The following HNRNPDL variants were observed in gnomAD, a reference collection of about 807,000 sequenced individuals.
The protein encoded by HNRNPDL is heterogeneous nuclear ribonucleoprotein D like.
HNRNPDL carries 18 observed loss-of-function variants against 48.0 expected under a neutral mutation model. The ratio of observed to expected loss-of-function variants is 0.38; its 90% confidence interval spans 0.26 to 0.56. The LOEUF is 0.56. Ranked by LOEUF, HNRNPDL falls within the 20% of genes least tolerant of loss-of-function variation. HNRNPDL has a pLI of 0.77. For synonymous variants in HNRNPDL, 306 were observed against 207.3 expected (o/e 1.48, Z -4.09); for missense variants, 553 against 540.7 (o/e 1.02, Z -0.23).
chr4:82,425,364 C>G (rs1361404506), intron 7 of HNRNPDL: 1 of 152,180 alleles, frequency 6.6e-6, no homozygotes, highest in African/African-American at 2.4e-5. Flanking sequence ...AAATGAGGCT[C>G]CACAATTGAA....
chr4:82,426,673 A>G, intron 5 of HNRNPDL, 40 bp from the exon 6 acceptor site: 1 of 1,557,210 alleles, frequency 6.4e-7, no homozygotes, highest in East Asian at 2.2e-5. Flanking sequence ...ACAACTTCTG[A>G]CCCCCAATTC....
rs1721270218 is a variant in HNRNPDL, at chr4:82,423,397, C to G, written c.*1509G>C. 1 of 152,258 alleles carries G rather than the reference C, an allele frequency of 6.6e-6. No individual in the cohort carries two copies. The highest frequency in any genetic ancestry group is 6.5e-5 in the Admixed American group (1 of 15,300). 9.4% of individuals were successfully genotyped at this position (152,258 alleles called of 1,614,324 possible). A position where few individuals can be genotyped will look rare whatever the true frequency, so the allele number is the denominator to read the frequency against. On this transcript the variant is annotated 3_prime_UTR_variant, in exon 8 of 8. Transcript: ENST00000295470. ...GCATGTTGAATGAACAGAATCCCTT[C>G]TAACAGCCAACATTGGTACTTGGCC...
chr4:82,422,658 T>C lies in HNRNPDL; in HGVS notation c.*2248A>G, dbSNP rs1287587347. On this transcript the variant is annotated 3_prime_UTR_variant, in exon 8 of 8. Coordinates refer to ENST00000295470, the MANE Select transcript of HNRNPDL (RefSeq NM_031372.4). ...TAACCAAAGAAATTACTAAGGTGTT[T>C]TGTTAGGATAACATCACACAGAATT... 6.6e-6 allele frequency: 1 copy of C among 152,208 alleles called. No homozygotes were observed. Among genetic ancestry groups the C allele is most frequent in the Non-Finnish European group, 1.5e-5 (1 of 68,026 alleles). The allele number at this position is 152,208 out of a possible 1,614,324, so 9.4% of individuals were successfully genotyped here.
chr4:82,427,650 C>T (rs1721472976), intron 3 of HNRNPDL, 86 bp from the exon 4 acceptor site: 1 of 1,236,886 alleles, frequency 8.1e-7, no homozygotes, highest in African/African-American at 1.5e-5. Flanking sequence ...CAGGCTTCAA[C>T]TTAAACATGT....
chr4:82,428,518 T>A, intron 1 of HNRNPDL, 72 bp from the exon 2 acceptor site: 1 of 1,249,940 alleles, frequency 8.0e-7, no homozygotes, highest in Non-Finnish European at 1.1e-6. Flanking sequence ...AATTAAATCG[T>A]GAAATAAAAA....
chr4:82,429,641 G>C lies in HNRNPDL; in HGVS notation c.50C>G (p.Ser17Cys). 1 of 1,371,390 alleles carries C rather than the reference G, an allele frequency of 7.3e-7. No homozygotes were observed. Among genetic ancestry groups the C allele is most frequent in the Non-Finnish European group, 9.4e-7 (1 of 1,063,852 alleles). The allele number at this position is 1,371,390 out of a possible 1,614,324, so 85.0% of individuals were successfully genotyped here. A position where few individuals can be genotyped will look rare whatever the true frequency, so the allele number is the denominator to read the frequency against. The part of the protein sequence containing the change: ...LSHVPPPLFP[S>C]APATLASRSL... ...GCGGGAGGCTAAAGTAGCGGGAGCG[G>C]AGGGGAACAATGGCGGCGGCACATG... The change falls in exon 1 of 8, where the codon TCC becomes TGC. Residue 17 changes from serine to cysteine, a missense_variant. This residue lies in a region of HNRNPDL where 327 missense variants were observed against 203.2 expected (regional missense o/e 1.61). Transcript: ENST00000295470.
chr4:82,429,518 TG>T lies in HNRNPDL; in HGVS notation c.172del (p.Gln58SerfsTer18), dbSNP rs1355352040. ...SSARQGARRA[Q>X]RHVTAQQPSR... is the part of the protein sequence containing the mutation. The stretch of plus-strand genomic sequence containing the variant: ...GGGCTGCTGGGCGGTGACGTGGCGC[TG>T]GGCCCGGCGCGCCCCCTGCCGGGCG... On this transcript the variant is annotated frameshift_variant, in exon 1 of 8. Coordinates refer to ENST00000295470, the MANE Select transcript of HNRNPDL (RefSeq NM_031372.4). LOFTEE classifies it high-confidence loss of function. 1.3e-6 allele frequency: 2 copies of T among 1,504,108 alleles called. No individual in the cohort carries two copies. The highest frequency in any genetic ancestry group is 1.3e-5 in the South Asian group (1 of 79,570). The allele number at this position is 1,504,108 out of a possible 1,614,324, so 93.2% of individuals were successfully genotyped here.
At position 82,424,290 on chromosome 4, in the gene HNRNPDL, A is replaced by C. The variant is rs551269134; in HGVS notation, c.*616T>G. ...GAACAAAGTAAAAGGAGCTACTAAC[A>C]ATTTTATTACAATCCAGAAGAAATA... On this transcript the variant is annotated 3_prime_UTR_variant, in exon 8 of 8. Transcript: ENST00000295470. The C allele has an allele frequency of 5.9e-5, 9 of 152,364 alleles. No homozygotes were observed. The East Asian group carries it at 1.5e-3, about 26-fold the overall frequency. 9.4% of individuals were successfully genotyped at this position (152,364 alleles called of 1,614,324 possible).
Position 82,426,570 on chromosome 4 carries a change from T to G in HNRNPDL, c.1085A>C (p.Asn362Thr). The G allele has an allele frequency of 6.2e-7, 1 of 1,613,708 alleles. No homozygotes were observed. Among genetic ancestry groups the G allele is most frequent in the East Asian group, 2.2e-5 (1 of 44,856 alleles). ...GTTTTGATCACCACCATAGGCACTA[T>G]TGTAATTTCCATATCCTTGATCATA... ...NYYDQGYGNYNSAYGGDQNYS... is the reference protein window; with the variant it reads ...NYYDQGYGNYTSAYGGDQNYS... The change falls in exon 6 of 8, where the codon AAT (asparagine) becomes ACT (threonine). Residue 362 changes from asparagine (N) to threonine (T), a missense_variant. By Grantham distance (65) the Asn-to-Thr change is moderately conservative (BLOSUM62 0). This residue lies in a region of HNRNPDL where 174 missense variants were observed against 204.6 expected (regional missense o/e 0.85). Coordinates refer to ENST00000295470, the MANE Select transcript of HNRNPDL (RefSeq NM_031372.4).
intron 7 of HNRNPDL, chr4:82,425,799 T>C (rs945580251): frequency 2.5e-5 from 12 of 475,484 alleles, no homozygotes; most frequent in African/African-American, 5.8e-5. Context: ...GACCACCTGG[T>C]ACACAAAAGC....
Position 82,423,765 on chromosome 4 carries a change from C to CTGTAATGACTCAGTCACATT in HNRNPDL, c.*1121_*1140dup, listed in dbSNP as rs558624260. On this transcript the variant is annotated 3_prime_UTR_variant, in exon 8 of 8. Transcript: ENST00000295470. ...CTTTTCAATGCACCCAGAGGGTCCA[C>CTGTAATGACTCAGTCACATT]TGTAATGACTCAGTCACATTTGTAA... The CTGTAATGACTCAGTCACATT allele has an allele frequency of 6.6e-6, 1 of 152,230 alleles. No individual in the cohort carries two copies. Among genetic ancestry groups the CTGTAATGACTCAGTCACATT allele is most frequent in the African/African-American group, 2.4e-5 (1 of 41,460 alleles). 9.4% of individuals were successfully genotyped at this position (152,230 alleles called of 1,614,324 possible). A position where few individuals can be genotyped will look rare whatever the true frequency, so the allele number is the denominator to read the frequency against.
chr4:82,427,201 C>T lies in HNRNPDL; in HGVS notation c.1010G>A (p.Gly337Asp). The T allele has an allele frequency of 6.2e-7, 1 of 1,611,096 alleles. No homozygotes were observed. Among genetic ancestry groups the T allele is most frequent in the Non-Finnish European group, 8.5e-7 (1 of 1,177,346 alleles). ...AAAGGRGGTR[G>D]RGRGQGQNWN... The stretch of plus-strand genomic sequence containing the variant: ...GAATTAAGTCTCACCTCGGCCACGA[C>T]CCCTCGTACCACCTCGTCCACCAGC... Residue 337 changes from glycine (G) to aspartate (D), a missense_variant, in exon 5 of 8, where the codon GGT (glycine) becomes GAT (aspartate). This residue lies in a region of HNRNPDL where 174 missense variants were observed against 204.6 expected (regional missense o/e 0.85). Coordinates refer to ENST00000295470, the MANE Select transcript of HNRNPDL (RefSeq NM_031372.4).
chr4:82,426,659 G>T, intron 5 of HNRNPDL, 26 bp from the exon 6 acceptor site: 1 of 1,602,998 alleles, frequency 6.2e-7, no homozygotes, highest in Middle Eastern at 1.7e-4. Flanking sequence ...ATGATTGTTA[G>T]GAAACAACTT....
At chr4:82,428,760 A>AT (rs1260109434) in intron 1 of HNRNPDL, among the ~76,000 whole-genome samples, 2 of 152,312 alleles carry the variant, frequency 1.3e-5, no homozygotes, top group East Asian at 1.9e-4. Context: ...ATCTTATCTT[A>AT]CTTAGGTCCA....
rs369300440 is a variant in HNRNPDL, at chr4:82,427,272, T to A, written c.939A>T (p.Val313=). The A allele has an allele frequency of 6.2e-7, 1 of 1,613,348 alleles. No homozygotes were observed. Among genetic ancestry groups the A allele is most frequent in the East Asian group, 2.2e-5 (1 of 44,886 alleles). The part of the protein sequence containing the change: ...CEIKVAQPKE[V]YRQQQQQQKG... ...TTTGTTGTTGCTGTTGCTGCCTATA[T>A]ACCTCTTTGGGTTGTGCAACTTTGA... The change falls in exon 5 of 8, where the codon GTA becomes GTT. Residue 313 remains valine (V), a synonymous_variant. Coordinates refer to ENST00000295470, the MANE Select transcript of HNRNPDL (RefSeq NM_031372.4).
chr4:82,428,507 GAATT>G, intron 1 of HNRNPDL, 61 bp from the exon 2 acceptor site: 2 of 1,308,224 alleles, frequency 1.5e-6, no homozygotes, highest in Middle Eastern at 3.9e-4. Context: ...TTCAGTTCTG[GAATT>G]AAATCGTGAA....
rs1226417270 is a variant in HNRNPDL, at chr4:82,428,094, T to C, written c.698A>G (p.Lys233Arg). Residue 233 changes from lysine to arginine, a missense_variant, in exon 3 of 8, where the codon AAA becomes AGA. Transcript: ENST00000295470. The part of the protein sequence containing the change: ...AKALKGKEPP[K>R]KVFVGGLSPD... Reference sequence around the variant, plus strand: ...GCTCAATCCACCCACAAAAACCTTTTTGGGAGGTTCTTTCCCTTTTAAAGC... The same window carrying C: ...GCTCAATCCACCCACAAAAACCTTTCTGGGAGGTTCTTTCCCTTTTAAAGC... The C allele has an allele frequency of 1.9e-6, 3 of 1,614,146 alleles. No homozygotes were observed. Among genetic ancestry groups the C allele is most frequent in the East Asian group, 2.2e-5 (1 of 44,878 alleles).
In HNRNPDL at chr4:82,430,359, C is replaced by G. The variant is rs1205230500; in HGVS notation, c.-669G>C. 1 of 163,222 alleles carries G rather than the reference C, an allele frequency of 6.1e-6. No individual in the cohort carries two copies. The highest frequency in any genetic ancestry group is 2.4e-5 in the African/African-American group (1 of 41,588). 10.1% of individuals were successfully genotyped at this position (163,222 alleles called of 1,614,324 possible). On this transcript the variant is annotated 5_prime_UTR_variant, in exon 1 of 8. Coordinates refer to ENST00000295470, the MANE Select transcript of HNRNPDL (RefSeq NM_031372.4). ...GCACTCACATCCCCGGCGCGCCACT[C>G]GCGGGGCTCCTTTCTGCACGTGCCC...
intron 1 of HNRNPDL, among the ~76,000 whole-genome samples, chr4:82,428,961 G>T (rs974410964): frequency 4.6e-5 from 7 of 152,200 alleles, no homozygotes; most frequent in African/African-American, 1.7e-4. Flanking sequence ...GTGCAGCGCT[G>T]GGAGGCCGGC....
Sources: allele counts gnomAD v4.1 joint callset (sites outside exome capture counted in the v4.1 genomes callset), GRCh38; gene constraint gnomAD v4.1.1; regional missense constraint gnomAD v4.1.1; transcripts MANE v1.5; gene names NCBI Gene and HGNC (gene_info 2026-07-23, HGNC 2026-07-21).